PACS1: variants seen among roughly 807,000 people sequenced by gnomAD.
PACS1 encodes phosphofurin acidic cluster sorting protein 1.
A neutral mutation model predicts 115.0 loss-of-function variants in PACS1; 24 were observed. That is an observed-to-expected ratio of 0.21 (90% CI 0.15 to 0.29). PACS1 has a LOEUF of 0.29. PACS1 is among the 10% of genes least tolerant of loss of function. The pLI, the probability that PACS1 is intolerant of heterozygous loss-of-function variation, is 1.00. For missense variants in PACS1, 838 were observed against 1,251.2 expected (o/e 0.67, Z 4.98); for synonymous variants, 453 against 504.5 (o/e 0.90, Z 1.37).
chr11:66,164,374 T>G (rs760872397), intron 1 of PACS1, among the ~76,000 whole-genome samples: 2 of 151,652 alleles, frequency 1.3e-5, no homozygotes, highest in Non-Finnish European at 2.9e-5. Flanking sequence ...AATTGAACCT[T>G]TCTGGGCACT....
intron 11 of PACS1, among the ~76,000 whole-genome samples, chr11:66,229,211 C>CAAA (rs386374029): frequency 0.041 from 2,455 of 60,588 alleles, 86 homozygotes; most frequent in Non-Finnish European, 0.057. Flanking sequence ...CCCGTCTCTA[C>CAAA]AAAAAAAAAA....
At chr11:66,203,749 G>A (rs1251873965) in intron 2 of PACS1, among the ~76,000 whole-genome samples, 2 of 152,102 alleles carry the variant, frequency 1.3e-5, no homozygotes, top group Non-Finnish European at 2.9e-5. Flanking sequence ...AACATACACT[G>A]GGGAAAGGAC....
chr11:66,102,324 A>ATT (rs1565107000), intron 1 of PACS1, among the ~76,000 whole-genome samples: 1 of 148,746 alleles, frequency 6.7e-6, no homozygotes, highest in African/African-American at 2.6e-5. Flanking sequence ...TATTATTATT[A>ATT]TTATTTTATT....
At chr11:66,169,473 C>T (rs1251437913) in intron 1 of PACS1, among the ~76,000 whole-genome samples, 3 of 149,654 alleles carry the variant, frequency 2.0e-5, no homozygotes, top group African/African-American at 7.6e-5. Flanking sequence ...AATCTTGGCT[C>T]GCTGCAACCT....
chr11:66,119,760 A>G (rs965476896), intron 1 of PACS1, among the ~76,000 whole-genome samples: 8 of 152,210 alleles, frequency 5.3e-5, no homozygotes, highest in African/African-American at 1.9e-4. Flanking sequence ...ATTATAGAAC[A>G]TGCTTGCCTG....
intron 1 of PACS1, among the ~76,000 whole-genome samples, chr11:66,101,339 A>G (rs1477506924): frequency 1.3e-5 from 2 of 152,240 alleles, no homozygotes; most frequent in African/African-American, 4.8e-5. Context: ...TGTGTGATAC[A>G]GAAATGTATA....
chr11:66,168,640 C>T (rs1308454153), intron 1 of PACS1, among the ~76,000 whole-genome samples: 1 of 150,122 alleles, frequency 6.7e-6, no homozygotes, highest in Non-Finnish European at 1.5e-5. Context: ...GCTAATATTT[C>T]TACTTCATAG....
At chr11:66,239,120 T>C (rs759964733) in intron 20 of PACS1, 22 bp from the exon 21 acceptor site, 29 of 1,613,962 alleles carry the variant, frequency 1.8e-5, no homozygotes, top group East Asian at 1.1e-4. Context: ...GCCAACTGTG[T>C]TTGTCGTTTG....
intron 1 of PACS1, among the ~76,000 whole-genome samples, chr11:66,103,513 ATTTTTTTTTTTTT>A (rs556121033): frequency 2.7e-5 from 3 of 109,176 alleles, no homozygotes; most frequent in East Asian, 2.8e-4. Context: ...TTTGTTTGGA[ATTTTTTTTTTTTT>A]TTTTTTTTTT....
At chr11:66,219,591 T>C in intron 7 of PACS1, 155 bp from the exon 8 acceptor site, 1 of 724,498 alleles carries the variant, frequency 1.4e-6, no homozygotes, top group Non-Finnish European at 2.5e-6. Flanking sequence ...CCTGTCTTCC[T>C]GACAGGCTTT....
At chr11:66,201,814 C>T (rs1854806324) in intron 2 of PACS1, among the ~76,000 whole-genome samples, 1 of 152,018 alleles carries the variant, frequency 6.6e-6, no homozygotes, top group African/African-American at 2.4e-5. Flanking sequence ...CGCGCACCAC[C>T]ATCGCGGCTA....
rs200984360 is a variant in PACS1 at position 66,233,800 on chromosome 11, T to C, written c.1854T>C (p.Ser618=). ...TRIQRYCNCN[S]SMPRPVKVAA... ...TCCTCCCCAGCTGCAACTGCAACTC[T>C]TCCATGCCGAGGCCAGTGAAGGTGG... Residue 618 remains serine (S), a synonymous_variant, in exon 16 of 24, where the codon TCT becomes TCC. Transcript: ENST00000320580. This position sits in a 1 kb window ranked among gnomAD's most constrained non-coding sequence, Gnocchi z 4.5. 6.2e-7 allele frequency: 1 copy of C among 1,613,842 alleles called. No homozygotes were observed. Among genetic ancestry groups the C allele is most frequent in the African/African-American group, 1.3e-5 (1 of 75,050 alleles).
chr11:66,185,772 GA>G (rs1298024175), intron 1 of PACS1, among the ~76,000 whole-genome samples: 1 of 152,194 alleles, frequency 6.6e-6, no homozygotes, highest in African/African-American at 2.4e-5. Flanking sequence ...AGGGTTTCCT[GA>G]TAGGGCACTG....
rs185015723 is a variant in PACS1 at position 66,201,208 on chromosome 11, G to A, written c.444+7635G>A. The stretch of plus-strand genomic sequence containing the variant: ...CACTCCAACCTGGGTGACAGAGTGA[G>A]CCTCTGTCTCAAAAAAAAAAAAAGT... On this transcript the variant is annotated intron_variant, in intron 2 of 23. Transcript: ENST00000320580. 2.5e-3 allele frequency among the ~76,000 whole-genome samples: 380 copies of A among 151,282 alleles called. 1 individual carries two copies. The highest frequency in any genetic ancestry group is 4.0e-3 in the Non-Finnish European group (272 of 67,878).
intron 8 of PACS1, 143 bp from the exon 9 acceptor site, chr11:66,220,488 G>T: frequency 1.3e-6 from 1 of 752,130 alleles, no homozygotes; most frequent in Non-Finnish European, 2.2e-6. Flanking sequence ...TGGAAATGAC[G>T]TGAAGGTTAC....
chr11:66,224,567 A>AT (rs1479461759), intron 10 of PACS1, among the ~76,000 whole-genome samples: 2 of 152,194 alleles, frequency 1.3e-5, no homozygotes, highest in African/African-American at 4.8e-5. Context: ...GACTCCTAAA[A>AT]TTGATAGAAT....
At chr11:66,230,150 A>G (rs906092277) in intron 11 of PACS1, among the ~76,000 whole-genome samples, 15 of 151,168 alleles carry the variant, frequency 9.9e-5, no homozygotes, top group African/African-American at 4.9e-5. Context: ...AAAAAAAAAA[A>G]AAAGAAAAAA....
intron 1 of PACS1, among the ~76,000 whole-genome samples, chr11:66,114,932 T>G (rs1231656411): frequency 6.6e-6 from 1 of 152,022 alleles, no homozygotes; most frequent in Non-Finnish European, 1.5e-5. Context: ...AAGCCAGGTG[T>G]GGTGGCTCAC....
chr11:66,104,717 T>C (rs1393054325), intron 1 of PACS1, among the ~76,000 whole-genome samples: 1 of 152,244 alleles, frequency 6.6e-6, no homozygotes, highest in Admixed American at 6.5e-5. Flanking sequence ...TACAGGGGTA[T>C]ACAGGAGTCA....
Sources: allele counts gnomAD v4.1 joint callset (sites outside exome capture counted in the v4.1 genomes callset), GRCh38; gene constraint gnomAD v4.1.1; non-coding constraint Gnocchi (gnomAD v3.1); transcripts MANE v1.5; gene names NCBI Gene and HGNC (gene_info 2026-07-23, HGNC 2026-07-21).